Variants in NRXN1 observed in about 807,000 individuals in gnomAD.
The protein encoded by NRXN1 is neurexin-1.
In NRXN1, 39 loss-of-function variants were observed where a neutral mutation model predicts 150.9. The observed-to-expected ratio is 0.26, with a 90% CI of 0.20 to 0.34. The LOEUF is 0.34. Ranked by LOEUF, NRXN1 falls within the 10% of genes least tolerant of loss-of-function variation. NRXN1 has a pLI of 1.00. For synonymous variants in NRXN1, 924 were observed against 757.0 expected (o/e 1.22, Z -3.62); for missense variants, 1,815 against 1,949.9 (o/e 0.93, Z 1.30).
intron 5 of NRXN1, among the ~76,000 whole-genome samples, chr2:50,859,709 C>A (rs6710741): frequency 0.16 from 23,555 of 151,518 alleles, 2,122 homozygotes; most frequent in Non-Finnish European, 0.21. Flanking sequence ...TACAGAGTAC[C>A]CACAGTTCTC....
At chr2:50,260,035 C>T (rs369011423) in intron 17 of NRXN1, among the ~76,000 whole-genome samples, 1 of 151,784 alleles carries the variant, frequency 6.6e-6, no homozygotes, top group South Asian at 2.1e-4. Flanking sequence ...AAATCCATCA[C>T]TACTGGAAAA....
At chr2:50,273,833 C>T (rs138071496) in intron 17 of NRXN1, among the ~76,000 whole-genome samples, 10 of 152,264 alleles carry the variant, frequency 6.6e-5, no homozygotes, top group Non-Finnish European at 1.2e-4. Context: ...GACATACCAT[C>T]TCATGTCAGT....
intron 18 of NRXN1, among the ~76,000 whole-genome samples, chr2:50,183,302 T>G (rs1201045864): frequency 1.3e-5 from 2 of 152,048 alleles, no homozygotes; most frequent in East Asian, 1.9e-4. Context: ...AAAGGTTTAT[T>G]ATACCACAGG....
At chr2:49,970,652 A>G (rs1353554252) in intron 21 of NRXN1, 1 of 152,168 alleles carries the variant, frequency 6.6e-6, no homozygotes, top group African/African-American at 2.4e-5. Context: ...AGCAGAAGGT[A>G]AAATCAGTCT....
intron 2 of NRXN1, among the ~76,000 whole-genome samples, chr2:50,935,219 T>G (rs182532971): frequency 6.6e-6 from 1 of 152,256 alleles, no homozygotes; most frequent in East Asian, 1.9e-4. Flanking sequence ...TGGGCCTCTT[T>G]TTGAATATTA....
At chr2:50,036,539 T>C (rs980028224) in intron 21 of NRXN1, among the ~76,000 whole-genome samples, 2 of 152,184 alleles carry the variant, frequency 1.3e-5, no homozygotes, top group African/African-American at 4.8e-5. Context: ...AGCTGTTTGT[T>C]TGACTTTTTA....
intron 5 of NRXN1, among the ~76,000 whole-genome samples, chr2:50,849,511 G>A (rs569130665): frequency 9.9e-5 from 15 of 152,276 alleles, no homozygotes; most frequent in African/African-American, 3.1e-4. Flanking sequence ...AGATGGCCTC[G>A]TCAGGATGAC....
At chr2:50,199,813 T>C (rs1362651533) in intron 18 of NRXN1, among the ~76,000 whole-genome samples, 2 of 152,126 alleles carry the variant, frequency 1.3e-5, no homozygotes, top group Non-Finnish European at 2.9e-5. Context: ...AAAAGACACA[T>C]TGCTCCCTGC....
chr2:49,995,874 AAAAAAAAAAG>A (rs1241485446), intron 21 of NRXN1, among the ~76,000 whole-genome samples: 2 of 139,978 alleles, frequency 1.4e-5, no homozygotes, highest in Non-Finnish European at 3.2e-5. Context: ...AAAAAAAAAA[AAAAAAAAAAG>A]AAAAAAGGAT....
intron 5 of NRXN1, among the ~76,000 whole-genome samples, chr2:50,683,037 G>T (rs564742814): frequency 2.0e-5 from 3 of 152,178 alleles, no homozygotes; most frequent in South Asian, 2.1e-4. Context: ...AAAGTACAGT[G>T]AGTGAAAATA....
intron 5 of NRXN1, among the ~76,000 whole-genome samples, chr2:50,701,504 TGA>T (rs1204923234): frequency 6.6e-6 from 1 of 152,178 alleles, no homozygotes; most frequent in African/African-American, 2.4e-5. Context: ...TACTGACACT[TGA>T]GAGTCTTGCA....
At chr2:50,750,923 G>C (rs1305553934) in intron 5 of NRXN1, among the ~76,000 whole-genome samples, 1 of 151,922 alleles carries the variant, frequency 6.6e-6, no homozygotes, top group African/African-American at 2.4e-5. Context: ...GATGGTTATG[G>C]GACCAGCCCT....
intron 11 of NRXN1, 163 bp from the exon 12 acceptor site, chr2:50,528,814 T>C (rs905079035): frequency 2.0e-6 from 1 of 504,362 alleles, no homozygotes; most frequent in Non-Finnish European, 3.6e-6. Context: ...GATGTTTTGT[T>C]ATAAAAGTTT....
chr2:50,775,612 C>T (rs145752458), intron 5 of NRXN1, among the ~76,000 whole-genome samples: 37 of 152,084 alleles, frequency 2.4e-4, no homozygotes, highest in East Asian at 7.7e-4. Context: ...TTTAAAGACA[C>T]GAGAGATAAT....
chr2:50,392,101 A>T (rs934916863), intron 17 of NRXN1, among the ~76,000 whole-genome samples: 1 of 152,132 alleles, frequency 6.6e-6, no homozygotes, highest in African/African-American at 2.4e-5. Flanking sequence ...TTCATCACCA[A>T]TACAGCCAAT....
chr2:50,204,252 T>C (rs564935196), intron 18 of NRXN1, among the ~76,000 whole-genome samples: 3 of 152,094 alleles, frequency 2.0e-5, no homozygotes, highest in African/African-American at 7.2e-5. Context: ...TGGTTTTGAG[T>C]GATGGTACTG....
intron 18 of NRXN1, among the ~76,000 whole-genome samples, chr2:50,140,534 T>G (rs1048984332): frequency 3.9e-5 from 6 of 152,060 alleles, no homozygotes; most frequent in African/African-American, 1.4e-4. Context: ...TAAAAAGGAA[T>G]AGGGAGAAAT....
chr2:50,862,782 A>G (rs984732879), intron 5 of NRXN1, among the ~76,000 whole-genome samples: 1 of 152,082 alleles, frequency 6.6e-6, no homozygotes, highest in African/African-American at 2.4e-5. Flanking sequence ...ACAGATGAGA[A>G]AACCAAGGAT....
chr2:50,063,782 G>C (rs1380501856), intron 19 of NRXN1, among the ~76,000 whole-genome samples: 1 of 152,052 alleles, frequency 6.6e-6, no homozygotes, highest in Non-Finnish European at 1.5e-5. Context: ...CTAGATTCTA[G>C]ATTCCTTGTG....
Sources: gnomAD v4.1 joint callset for allele counts (sites outside exome capture counted in the v4.1 genomes callset) on GRCh38, gnomAD v4.1.1 for gene constraint, MANE v1.5 for transcripts, NCBI Gene and HGNC (gene_info 2026-07-23, HGNC 2026-07-21) for gene names.